Variants in ULK4 observed in about 807,000 individuals in gnomAD.
The protein encoded by ULK4 is unc-51 like kinase 4.
In ULK4, 133 loss-of-function variants were observed where a neutral mutation model predicts 160.6. That is an observed-to-expected ratio of 0.83 (90% CI 0.72 to 0.96). ULK4 has a LOEUF of 0.96. Among genes scored for constraint, ULK4 ranks in the 40% least tolerant of loss-of-function variants. The probability of loss-of-function intolerance (pLI) is 0.00; values close to 1 mark genes in which losing one functional copy is unlikely to be tolerated. For missense variants in ULK4, 1,580 were observed against 1,499.5 expected (o/e 1.05, Z -0.89); for synonymous variants, 534 against 539.8 (o/e 0.99, Z 0.15).
intron 31 of ULK4, among the ~76,000 whole-genome samples, chr3:41,595,022 A>G (rs547327569): frequency 6.6e-6 from 1 of 152,362 alleles, no homozygotes; most frequent in South Asian, 2.1e-4. Context: ...TGTGAGAGGA[A>G]GGGCAATGAG....
intron 35 of ULK4, among the ~76,000 whole-genome samples, chr3:41,355,672 T>C (rs1451872662): frequency 6.6e-6 from 1 of 152,158 alleles, no homozygotes; most frequent in Non-Finnish European, 1.5e-5. Flanking sequence ...TCCTAGCACA[T>C]CACTCAGAGA....
At position 41,543,699 on chromosome 3, in the gene ULK4, T is replaced by C. The variant is rs2086767170; in HGVS notation, c.3226+22326A>G. ...AAGTTATCTAATTTATTGGCATACA[T>C]TTTTTCATAGTATGCCCTTATAATC... On this transcript the variant is annotated intron_variant, in intron 32 of 36. Coordinates refer to ENST00000301831, the MANE Select transcript of ULK4 (RefSeq NM_017886.4). 2.0e-5 allele frequency among the ~76,000 whole-genome samples: 3 copies of C among 152,320 alleles called. No individual in the cohort carries two copies. In the South Asian group the frequency reaches 6.2e-4, roughly 32 times the overall value.
rs138859202 is a variant in ULK4, at chr3:41,579,916, C to G, written c.3121-13786G>C. Among the ~76,000 whole-genome samples, 11 of 152,272 alleles carry G rather than the reference C, an allele frequency of 7.2e-5. No individual in the cohort carries two copies. In the East Asian group the frequency reaches 2.1e-3, roughly 29 times the overall value. ...TTCCTGGCATGCCATTACCCAAAGACAGGGAGCAGAAAAGCAAGTGCAATC... is the reference window on the plus strand; with the variant it reads ...TTCCTGGCATGCCATTACCCAAAGAGAGGGAGCAGAAAAGCAAGTGCAATC... On this transcript the variant is annotated intron_variant, in intron 31 of 36. Transcript: ENST00000301831.
At chr3:41,270,967 T>C (rs967112375) in intron 35 of ULK4, among the ~76,000 whole-genome samples, 2 of 152,242 alleles carry the variant, frequency 1.3e-5, no homozygotes, top group African/African-American at 4.8e-5. Flanking sequence ...TTTTACCTAG[T>C]TGTTGCAGGG....
chr3:41,251,234 A>G lies in ULK4; in HGVS notation c.3679-1660T>C, dbSNP rs548750336. 5.3e-5 allele frequency: 8 copies of G among 152,380 alleles called. No homozygotes were observed. In the East Asian group the frequency reaches 9.6e-4, roughly 18 times the overall value. The allele number at this position is 152,380 out of a possible 1,614,324, so 9.4% of individuals were successfully genotyped here. A position where few individuals can be genotyped will look rare whatever the true frequency, so the allele number is the denominator to read the frequency against. On this transcript the variant is annotated intron_variant, in intron 35 of 36. Transcript: ENST00000301831. ...ATAAATGTAGACATAAACAACGCCAATTGAAAACTACGTGGTTTGGCCATT... is the reference window on the plus strand; with the variant it reads ...ATAAATGTAGACATAAACAACGCCAGTTGAAAACTACGTGGTTTGGCCATT...
intron 34 of ULK4, 122 bp from the exon 35 acceptor site, chr3:41,398,386 T>C: frequency 1.0e-6 from 1 of 975,740 alleles, no homozygotes; most frequent in Non-Finnish European, 1.5e-6. Context: ...AATACTTTTT[T>C]ACTTTTTTTT....
chr3:41,808,463 T>C (rs1276305072), intron 19 of ULK4, among the ~76,000 whole-genome samples: 1 of 152,214 alleles, frequency 6.6e-6, no homozygotes, highest in Non-Finnish European at 1.5e-5. Flanking sequence ...TAAGTGACTC[T>C]AGTCCATCTT....
chr3:41,276,122 T>C lies in ULK4; in HGVS notation c.3679-26548A>G, dbSNP rs1020758981. ...AATATGTGTCTGTAAACATCAGATATCTGCCATGCAATGGCTCACCTCAAA... is the reference window on the plus strand; with the variant it reads ...AATATGTGTCTGTAAACATCAGATACCTGCCATGCAATGGCTCACCTCAAA... On this transcript the variant is annotated intron_variant, in intron 35 of 36. Transcript: ENST00000301831. 2.0e-5 allele frequency among the ~76,000 whole-genome samples: 3 copies of C among 152,364 alleles called. No homozygotes were observed. The South Asian group carries it at 6.2e-4, about 32-fold the overall frequency.
At chr3:41,879,166 A>G (rs1241247522) in intron 17 of ULK4, among the ~76,000 whole-genome samples, 1 of 152,146 alleles carries the variant, frequency 6.6e-6, no homozygotes. Context: ...ACAAAATGAC[A>G]TGTATGAAAC....
intron 35 of ULK4, among the ~76,000 whole-genome samples, chr3:41,392,446 G>A (rs1253939592): frequency 6.6e-6 from 1 of 152,080 alleles, no homozygotes; most frequent in Non-Finnish European, 1.5e-5. Context: ...GAAATGTCAA[G>A]AATCCAGGGC....
chr3:41,541,218 AG>A (rs2086684233), intron 32 of ULK4, among the ~76,000 whole-genome samples: 1 of 152,170 alleles, frequency 6.6e-6, no homozygotes, highest in African/African-American at 2.4e-5. Flanking sequence ...GGTGTAAGGA[AG>A]GGGTCCAGTT....
chr3:41,721,357 TA>T (rs1449022964), intron 22 of ULK4, among the ~76,000 whole-genome samples: 196 of 69,592 alleles, frequency 2.8e-3, no homozygotes, highest in African/African-American at 8.8e-3. Context: ...TATATATATA[TA>T]TATATTTTTT....
In ULK4 at chr3:41,918,222, T is replaced by C. The variant is rs151338771; in HGVS notation, c.727+235A>G. 5.5e-3 allele frequency among the ~76,000 whole-genome samples: 832 copies of C among 152,272 alleles called. 1 individual carries two copies. The highest frequency in any genetic ancestry group is 8.4e-3 in the Non-Finnish European group (572 of 68,014). ...TCTTTAAGCCATACTTTTTATGATATAGATGCACAAAATAGTTTTTAAATG... is the reference window on the plus strand; with the variant it reads ...TCTTTAAGCCATACTTTTTATGATACAGATGCACAAAATAGTTTTTAAATG... On this transcript the variant is annotated intron_variant, in intron 7 of 36. Transcript: ENST00000301831.
chr3:41,560,341 T>C (rs7613306), intron 32 of ULK4, among the ~76,000 whole-genome samples: 9,347 of 152,282 alleles, frequency 0.061, 852 homozygotes, highest in African/African-American at 0.2. Context: ...ATCTTGGCAA[T>C]GCGGGCTCTT....
intron 30 of ULK4, among the ~76,000 whole-genome samples, chr3:41,632,909 AG>A (rs1559446620): frequency 6.6e-6 from 1 of 152,176 alleles, no homozygotes; most frequent in Non-Finnish European, 1.5e-5. Context: ...CCTGAGGTTC[AG>A]CAAAGGAGCA....
intron 32 of ULK4, among the ~76,000 whole-genome samples, chr3:41,479,660 G>C (rs2084253185): frequency 6.6e-6 from 1 of 152,144 alleles, no homozygotes; most frequent in Admixed American, 6.5e-5. Flanking sequence ...CTAGAAGCTA[G>C]GGCCTGTGAA....
chr3:41,387,613 AAT>A (rs1419537871), intron 35 of ULK4, among the ~76,000 whole-genome samples: 17 of 152,296 alleles, frequency 1.1e-4, no homozygotes, highest in African/African-American at 3.8e-4. Flanking sequence ...TATGAGTGAG[AAT>A]ACGCGGTGTT....
At chr3:41,435,589 C>A (rs2083015845) in intron 34 of ULK4, among the ~76,000 whole-genome samples, 3 of 152,146 alleles carry the variant, frequency 2.0e-5, no homozygotes, top group Admixed American at 2.0e-4. Flanking sequence ...CATACAATTA[C>A]TTTTGGACCC....
At position 41,623,124 on chromosome 3, in the gene ULK4, A is replaced by G. The variant is rs961154334; in HGVS notation, c.3072-7407T>C. 3.3e-5 allele frequency among the ~76,000 whole-genome samples: 5 copies of G among 152,352 alleles called. No homozygotes were observed. In the Middle Eastern group the frequency reaches 0.01, roughly 311 times the overall value. On this transcript the variant is annotated intron_variant, in intron 30 of 36. Coordinates refer to ENST00000301831, the MANE Select transcript of ULK4 (RefSeq NM_017886.4). ...TATGATAAATTACAGAGCTTAAGACAAACATGTTACATATGTTGTAGGTAT... is the reference window on the plus strand; with the variant it reads ...TATGATAAATTACAGAGCTTAAGACGAACATGTTACATATGTTGTAGGTAT...
Sources: allele counts gnomAD v4.1 joint callset (sites outside exome capture counted in the v4.1 genomes callset), GRCh38; gene constraint gnomAD v4.1.1; transcripts MANE v1.5; gene names NCBI Gene and HGNC (gene_info 2026-07-23, HGNC 2026-07-21).